The following CNTN1 variants were observed in gnomAD, a reference collection of about 807,000 sequenced individuals.
CNTN1 encodes contactin-1.
A neutral mutation model predicts 126.4 loss-of-function variants in CNTN1; 38 were observed. That is an observed-to-expected ratio of 0.30 (90% confidence interval 0.23 to 0.39). The LOEUF (loss-of-function observed/expected upper bound fraction) is 0.39. Ranked by LOEUF, CNTN1 falls within the 10% of genes least tolerant of loss-of-function variation. CNTN1 has a pLI of 1.00. For synonymous variants in CNTN1, 413 were observed against 422.6 expected, an observed-to-expected ratio of 0.98 and a Z score of 0.28; for missense variants, 1,009 against 1,248.4, an observed-to-expected ratio of 0.81 and a Z score of 2.89.
intron 1 of CNTN1, among the ~76,000 whole-genome samples, chr12:40,840,519 A>C (rs966788149): frequency 6.6e-6 from 1 of 152,100 alleles, no homozygotes; most frequent in Non-Finnish European, 1.5e-5. Context: ...ACAACATTCT[A>C]TCCAGCGATG....
intron 14 of CNTN1, among the ~76,000 whole-genome samples, chr12:40,946,130 C>T (rs1946426382): frequency 6.6e-6 from 1 of 152,100 alleles, no homozygotes; most frequent in African/African-American, 2.4e-5. Flanking sequence ...ATCTTTCAAA[C>T]CAACACAAGA....
chr12:40,865,670 C>T (rs972547039), intron 1 of CNTN1, among the ~76,000 whole-genome samples: 3 of 151,936 alleles, frequency 2.0e-5, no homozygotes, highest in African/African-American at 7.2e-5. Context: ...TGAATTCTGT[C>T]CTATTGATCT....
chr12:40,984,381 G>C (rs1355967188), intron 16 of CNTN1, among the ~76,000 whole-genome samples: 1 of 152,044 alleles, frequency 6.6e-6, no homozygotes, highest in African/African-American at 2.4e-5. Context: ...GTTTTATTTG[G>C]CTCACAGTTC....
chr12:40,959,316 T>C, intron 15 of CNTN1, 82 bp downstream of exon 15: 1 of 1,455,558 alleles, frequency 6.9e-7, no homozygotes, highest in Non-Finnish European at 9.6e-7. Context: ...GTAACTCTGG[T>C]GCAAATTCTT....
intron 1 of CNTN1, among the ~76,000 whole-genome samples, chr12:40,902,324 A>G (rs553620850): frequency 1.3e-5 from 2 of 152,288 alleles, no homozygotes; most frequent in South Asian, 4.1e-4. Flanking sequence ...AGAATTTCAG[A>G]TCGAGTCTGA....
At chr12:41,026,853 G>A (rs1949047827) in intron 21 of CNTN1, among the ~76,000 whole-genome samples, 1 of 152,160 alleles carries the variant, frequency 6.6e-6, no homozygotes, top group African/African-American at 2.4e-5. Flanking sequence ...AAGCAGAAAA[G>A]CCAGTTAGGA....
intron 1 of CNTN1, among the ~76,000 whole-genome samples, chr12:40,816,223 T>A (rs1384735233): frequency 6.6e-6 from 1 of 152,186 alleles, no homozygotes; most frequent in Non-Finnish European, 1.5e-5. Context: ...TCAGAAGGAA[T>A]GGTACTAGCT....
chr12:40,888,380 C>T (rs902179736), intron 1 of CNTN1, among the ~76,000 whole-genome samples: 12 of 151,930 alleles, frequency 7.9e-5, no homozygotes, highest in Non-Finnish European at 1.6e-4. Flanking sequence ...ACTAATTTTT[C>T]ATAGAGAAAT....
At chr12:40,983,711 TC>T (rs1433439526) in intron 16 of CNTN1, among the ~76,000 whole-genome samples, 2 of 148,838 alleles carry the variant, frequency 1.3e-5, no homozygotes, top group East Asian at 3.9e-4. Context: ...TCATTCTTCC[TC>T]TTTTGTGCTA....
At chr12:40,694,824 A>T (rs1458451401) in intron 1 of CNTN1, among the ~76,000 whole-genome samples, 2 of 152,210 alleles carry the variant, frequency 1.3e-5, no homozygotes, top group African/African-American at 4.8e-5. Context: ...TCTTGTCTTC[A>T]AAAGGAATTT....
intron 1 of CNTN1, among the ~76,000 whole-genome samples, chr12:40,779,598 TTTAAG>T (rs1939714276): frequency 6.6e-6 from 1 of 151,912 alleles, no homozygotes; most frequent in Non-Finnish European, 1.5e-5. Flanking sequence ...ATTGCTGTCA[TTTAAG>T]ACATTCTTTT....
intron 1 of CNTN1, chr12:40,729,891 C>T (rs7139243): frequency 0.2 from 31,829 of 157,356 alleles, 3,361 homozygotes; most frequent in Middle Eastern, 0.28. Flanking sequence ...ACTACATATC[C>T]CAACTTTAAT....
chr12:41,044,828 T>C (rs1949506216), intron 23 of CNTN1, among the ~76,000 whole-genome samples: 1 of 152,102 alleles, frequency 6.6e-6, no homozygotes, highest in African/African-American at 2.4e-5. Flanking sequence ...TATTCAAAGA[T>C]GATTTCATTT....
chr12:40,980,064 C>T (rs1362018316), intron 15 of CNTN1, among the ~76,000 whole-genome samples: 1 of 152,002 alleles, frequency 6.6e-6, no homozygotes, highest in African/African-American at 2.4e-5. Context: ...ATGTATTATG[C>T]AAAATGATAC....
intron 1 of CNTN1, chr12:40,896,174 TACATGCTGACACAC>T (rs1412760674): frequency 6.6e-6 from 1 of 152,122 alleles, no homozygotes; most frequent in Non-Finnish European, 1.5e-5. Flanking sequence ...CACACACACT[TACATGCTGACACAC>T]ACATGCTGAC....
intron 23 of CNTN1, among the ~76,000 whole-genome samples, chr12:41,031,120 G>A (rs769439080): frequency 5.9e-5 from 9 of 152,292 alleles, no homozygotes; most frequent in African/African-American, 1.4e-4. Context: ...TAGCTTCTGG[G>A]ATTTAGACTA....
intron 1 of CNTN1, among the ~76,000 whole-genome samples, chr12:40,800,103 G>T (rs573347143): frequency 2.0e-5 from 3 of 151,892 alleles, no homozygotes; most frequent in Non-Finnish European, 4.4e-5. Flanking sequence ...TTATCCCCAC[G>T]TGTCAAGGGT....
chr12:40,716,077 C>T (rs967921059), intron 1 of CNTN1, among the ~76,000 whole-genome samples: 1 of 151,936 alleles, frequency 6.6e-6, no homozygotes, highest in South Asian at 2.1e-4. Flanking sequence ...CTAAGCCTCA[C>T]ATAAACTCAA....
intron 9 of CNTN1, 119 bp downstream of exon 9, chr12:40,933,997 A>G (rs958784010): frequency 2.6e-6 from 2 of 764,844 alleles, no homozygotes; most frequent in Non-Finnish European, 4.4e-6. Context: ...TGCATGTTAC[A>G]TCATGGAGAA....
Sources: gnomAD v4.1 joint callset for allele counts (sites outside exome capture counted in the v4.1 genomes callset) on GRCh38, gnomAD v4.1.1 for gene constraint, MANE v1.5 for transcripts, NCBI Gene and HGNC (gene_info 2026-07-23, HGNC 2026-07-21) for gene names.